OXR1: variants seen among roughly 807,000 people sequenced by gnomAD.
OXR1 encodes oxidation resistance protein 1.
Under a neutral mutation model 104.6 loss-of-function variants are expected in OXR1, and 41 were observed. The ratio of observed to expected loss-of-function variants is 0.39; its 90% CI spans 0.31 to 0.51. The LOEUF is 0.51. Among genes scored for constraint, OXR1 ranks in the 20% least tolerant of loss-of-function variants. OXR1 has a pLI of 0.77. For missense variants in OXR1, 955 were observed against 1,031.9 expected, an observed-to-expected ratio of 0.93 and a Z score of 1.02; for synonymous variants, 348 against 348.4, an observed-to-expected ratio of 1.00 and a Z score of 0.01.
intron 2 of OXR1, among the ~76,000 whole-genome samples, chr8:106,361,618 A>G (rs1364574507): frequency 5.9e-5 from 9 of 152,124 alleles, no homozygotes; most frequent in Non-Finnish European, 1.3e-4. Context: ...TTTTTTTATA[A>G]TAACCTTTGT....
chr8:106,681,169 A>G (rs1828108796), intron 4 of OXR1, among the ~76,000 whole-genome samples: 1 of 152,232 alleles, frequency 6.6e-6, no homozygotes, highest in South Asian at 2.1e-4. Flanking sequence ...CTCATTTAAT[A>G]GAATCACTGT....
chr8:106,684,880 G>A (rs1440582339), intron 6 of OXR1, among the ~76,000 whole-genome samples: 1 of 152,050 alleles, frequency 6.6e-6, no homozygotes, highest in Non-Finnish European at 1.5e-5. Flanking sequence ...GAACTTCAGG[G>A]AACTAAACTT....
At chr8:106,645,854 A>G (rs1425327143) in intron 3 of OXR1, among the ~76,000 whole-genome samples, 1 of 152,158 alleles carries the variant, frequency 6.6e-6, no homozygotes, top group Non-Finnish European at 1.5e-5. Context: ...GACAATTGAT[A>G]AAAATTTGTC....
intron 1 of OXR1, among the ~76,000 whole-genome samples, chr8:106,273,803 AAAC>A (rs1309114401): frequency 1.2e-4 from 18 of 152,212 alleles, no homozygotes; most frequent in African/African-American, 4.1e-4. Flanking sequence ...AAAAACAAAC[AAAC>A]AAAAAATCTT....
chr8:106,504,005 A>G (rs987278974), intron 2 of OXR1, among the ~76,000 whole-genome samples: 1 of 152,318 alleles, frequency 6.6e-6, no homozygotes, highest in East Asian at 1.9e-4. Context: ...CCACCCAACA[A>G]GAGAGAGTCA....
chr8:106,358,325 T>C (rs1030819889), intron 1 of OXR1, among the ~76,000 whole-genome samples: 1 of 152,202 alleles, frequency 6.6e-6, no homozygotes, highest in African/African-American at 2.4e-5. Context: ...CTTTATTTAG[T>C]GGCTTTTTCT....
intron 3 of OXR1, among the ~76,000 whole-genome samples, chr8:106,622,037 A>G (rs958483153): frequency 6.6e-6 from 1 of 152,216 alleles, no homozygotes; most frequent in African/African-American, 2.4e-5. Flanking sequence ...ATGATAATAT[A>G]TTATTCATAT....
intron 2 of OXR1, among the ~76,000 whole-genome samples, chr8:106,405,617 T>C (rs961228066): frequency 6.6e-6 from 1 of 152,148 alleles, no homozygotes; most frequent in Non-Finnish European, 1.5e-5. Context: ...CCAGCCACCA[T>C]GTGAACAATC....
At chr8:106,336,455 A>G (rs1440273385) in intron 1 of OXR1, among the ~76,000 whole-genome samples, 1 of 152,228 alleles carries the variant, frequency 6.6e-6, no homozygotes, top group Non-Finnish European at 1.5e-5. Context: ...ATCTGACTCT[A>G]GTCATTAAGG....
Position 106,434,296 on chromosome 8 carries a change from G to C in OXR1, c.23+74660G>C, listed in dbSNP as rs151016755. ...AACACTACTCTTCCACTAAATCATA[G>C]AGAAACCTTTCAGAGAGTTTTGCAT... On this transcript the variant is annotated intron_variant, in intron 2 of 16. Coordinates refer to ENST00000517566, the MANE Select transcript of OXR1 (RefSeq NM_001198533.2). 5.1e-3 allele frequency among the ~76,000 whole-genome samples: 770 copies of C among 152,304 alleles called. 1 individual carries two copies. Among genetic ancestry groups the C allele is most frequent in the Middle Eastern group, 0.024 (7 of 294 alleles).
chr8:106,500,733 ATT>A (rs139899081), intron 2 of OXR1, among the ~76,000 whole-genome samples: 1,888 of 152,272 alleles, frequency 0.012, 30 homozygotes, highest in East Asian at 0.08. Context: ...AGAAACTGTC[ATT>A]TTTTAATTAT....
intron 6 of OXR1, among the ~76,000 whole-genome samples, chr8:106,687,387 G>A (rs1243302476): frequency 6.6e-6 from 1 of 152,070 alleles, no homozygotes; most frequent in Non-Finnish European, 1.5e-5. Flanking sequence ...TACACCATAT[G>A]TACCTTTGTA....
chr8:106,325,327 G>A (rs762529461), intron 1 of OXR1, among the ~76,000 whole-genome samples: 5 of 152,158 alleles, frequency 3.3e-5, no homozygotes, highest in Non-Finnish European at 7.3e-5. Context: ...TAATCTGCAT[G>A]TGTTCTCCTT....
chr8:106,707,165 T>C lies in OXR1; in HGVS notation c.1624+20T>C. On this transcript the variant is annotated intron_variant, in intron 9 of 16. Coordinates refer to ENST00000517566, the MANE Select transcript of OXR1 (RefSeq NM_001198533.2). ...TAGAAAGTAAGTGTTATAGAGTAAA[T>C]GAAGTTAGTTCATCCAATTGTATGG... is the stretch of plus-strand genomic sequence containing the variant. The C allele has an allele frequency of 6.2e-7, 1 of 1,608,462 alleles. No individual in the cohort carries two copies. Among genetic ancestry groups the C allele is most frequent in the Non-Finnish European group, 8.5e-7 (1 of 1,175,510 alleles).
chr8:106,448,111 T>A, intron 2 of OXR1: 1 of 1,500,966 alleles, frequency 6.7e-7, no homozygotes, highest in Non-Finnish European at 9.0e-7. Context: ...AAACGTTTCC[T>A]AGTTCCATTA....
At chr8:106,511,207 G>T (rs1243479327) in intron 2 of OXR1, among the ~76,000 whole-genome samples, 2 of 152,142 alleles carry the variant, frequency 1.3e-5, no homozygotes, top group African/African-American at 2.4e-5. Flanking sequence ...TTTTTAGTCA[G>T]ACTGTATAGG....
chr8:106,635,530 C>T (rs1317928041), intron 3 of OXR1, among the ~76,000 whole-genome samples: 3 of 152,020 alleles, frequency 2.0e-5, no homozygotes, highest in Admixed American at 1.3e-4. Context: ...TTGCAACCTC[C>T]GCCTCCTGGG....
At chr8:106,696,580 T>G (rs1830055013) in intron 7 of OXR1, among the ~76,000 whole-genome samples, 1 of 152,192 alleles carries the variant, frequency 6.6e-6, no homozygotes, top group African/African-American at 2.4e-5. Flanking sequence ...TTGTATCCAA[T>G]AAGCAATGGG....
intron 3 of OXR1, among the ~76,000 whole-genome samples, chr8:106,587,291 T>C (rs1249524319): frequency 1.3e-5 from 2 of 151,662 alleles, no homozygotes; most frequent in Non-Finnish European, 2.9e-5. Context: ...TTCAGTAAAG[T>C]AGGGACCAAG....
Sources: gnomAD v4.1 joint callset for allele counts (sites outside exome capture counted in the v4.1 genomes callset) on GRCh38, gnomAD v4.1.1 for gene constraint, MANE v1.5 for transcripts, NCBI Gene and HGNC (gene_info 2026-07-23, HGNC 2026-07-21) for gene names.